COL19A1: variants seen among roughly 807,000 people sequenced by gnomAD.
The protein encoded by COL19A1 is collagen type XIX alpha 1 chain.
In COL19A1, 159 loss-of-function variants were observed where a neutral mutation model predicts 190.2. The observed-to-expected ratio is 0.84, with a 90% CI of 0.73 to 0.95. The LOEUF is 0.95. Ranked by LOEUF, COL19A1 falls within the 40% of genes least tolerant of loss-of-function variation. COL19A1 has a pLI of 0.00. For synonymous variants in COL19A1, 509 were observed against 458.9 expected, an observed-to-expected ratio of 1.11 and a Z score of -1.39; for missense variants, 1,418 against 1,431.9, an observed-to-expected ratio of 0.99 and a Z score of 0.16.
rs534211282 is a variant in COL19A1, at chr6:70,063,215, G to A, written c.1171-5208G>A. On this transcript the variant is annotated intron_variant, in intron 14 of 50. Transcript: ENST00000620364. ...ACCACACTGCACCTATTCCAAAATT[G>A]ACCACATAGTTGGAAGTAAAGCACT... Among the ~76,000 whole-genome samples the A allele has an allele frequency of 3.3e-5, 5 of 152,068 alleles. No individual in the cohort carries two copies. The East Asian group carries it at 9.7e-4, about 29-fold the overall frequency.
intron 11 of COL19A1, among the ~76,000 whole-genome samples, chr6:70,019,595 T>G (rs1778305959): frequency 6.6e-6 from 1 of 152,166 alleles, no homozygotes; most frequent in Admixed American, 6.6e-5. Flanking sequence ...GAATGGCTAT[T>G]GGGAAAATCA....
At chr6:70,125,655 A>C (rs1785152870) in intron 17 of COL19A1, among the ~76,000 whole-genome samples, 1 of 152,202 alleles carries the variant, frequency 6.6e-6, no homozygotes, top group East Asian at 1.9e-4. Flanking sequence ...GAGTGAGGTC[A>C]GGAAGATGGA....
At chr6:69,970,404 A>G (rs1775363172) in intron 11 of COL19A1, among the ~76,000 whole-genome samples, 1 of 152,220 alleles carries the variant, frequency 6.6e-6, no homozygotes, top group Non-Finnish European at 1.5e-5. Context: ...GAAAAAAGAA[A>G]CACAATATAT....
At chr6:70,184,107 C>T (rs1169306451) in intron 44 of COL19A1, among the ~76,000 whole-genome samples, 1 of 152,204 alleles carries the variant, frequency 6.6e-6, no homozygotes, top group Non-Finnish European at 1.5e-5. Flanking sequence ...CATGATTATA[C>T]ATTTCTTGCT....
chr6:69,913,029 C>A lies in COL19A1; in HGVS notation c.266+12691C>A, dbSNP rs577431531. ...CTTGAGCCCAGGGAGGTTGAGGCTG[C>A]AGTGAGCCCTGATCATGCCACTACA... On this transcript the variant is annotated intron_variant, in intron 4 of 50. Transcript: ENST00000620364. 1.6e-4 allele frequency among the ~76,000 whole-genome samples: 25 copies of A among 152,246 alleles called. 1 individual carries two copies. In the South Asian group the frequency reaches 2.7e-3, roughly 16 times the overall value.
intron 15 of COL19A1, chr6:70,098,658 CA>C: frequency 3.2e-6 from 1 of 309,324 alleles, no homozygotes. Context: ...CAACACTTTT[CA>C]AACGATGGCG....
chr6:70,192,344 T>C (rs1446207198), intron 48 of COL19A1, among the ~76,000 whole-genome samples: 1 of 152,214 alleles, frequency 6.6e-6, no homozygotes, highest in Non-Finnish European at 1.5e-5. Flanking sequence ...AGTATCTTTA[T>C]CTTGCTCTGA....
At chr6:70,029,911 A>G (rs1189679905) in intron 12 of COL19A1, among the ~76,000 whole-genome samples, 1 of 152,206 alleles carries the variant, frequency 6.6e-6, no homozygotes, top group African/African-American at 2.4e-5. Context: ...ACCGTATGCT[A>G]AATGTCTCTA....
intron 16 of COL19A1, among the ~76,000 whole-genome samples, chr6:70,113,823 T>C (rs990859216): frequency 6.6e-6 from 1 of 151,212 alleles, no homozygotes; most frequent in Non-Finnish European, 1.5e-5. Flanking sequence ...TCTTGACTCT[T>C]CTTGTCATCC....
Position 70,142,037 on chromosome 6 carries a change from T to C in COL19A1, c.1533T>C (p.Asp511=). ...CACGTGTTTAGGGTGAACCTGGAGA[T>C]CCCGGACCCCCTGGTTTAATAGGAA... The part of the protein sequence containing the change: ...GSQGVKGEPG[D]PGPPGLIGSP... Residue 511 remains aspartate (D), a synonymous_variant, in exon 22 of 51, where the codon GAT becomes GAC. Coordinates refer to ENST00000620364, the MANE Select transcript of COL19A1 (RefSeq NM_001858.6). 2 of 1,612,380 alleles carry C rather than the reference T, an allele frequency of 1.2e-6. No homozygotes were observed. Among genetic ancestry groups the C allele is most frequent in the South Asian group, 1.1e-5 (1 of 91,024 alleles).
At chr6:70,110,297 T>G (rs925622316) in intron 16 of COL19A1, among the ~76,000 whole-genome samples, 6 of 152,176 alleles carry the variant, frequency 3.9e-5, no homozygotes, top group African/African-American at 1.4e-4. Flanking sequence ...GGCTTAGTCA[T>G]GTTGCTCAGT....
intron 15 of COL19A1, among the ~76,000 whole-genome samples, chr6:70,101,578 A>G (rs1535392): frequency 0.11 from 16,732 of 152,222 alleles, 986 homozygotes; most frequent in Middle Eastern, 0.15. Context: ...AATGTGCTTC[A>G]TTCAGTATAT....
intron 14 of COL19A1, among the ~76,000 whole-genome samples, chr6:70,063,650 A>G (rs1425593162): frequency 6.6e-6 from 1 of 151,114 alleles, no homozygotes; most frequent in East Asian, 1.9e-4. Context: ...ACTGAAGGAG[A>G]TAGAGACACA....
At chr6:70,074,269 C>T (rs750477839) in intron 15 of COL19A1, among the ~76,000 whole-genome samples, 4 of 151,936 alleles carry the variant, frequency 2.6e-5, no homozygotes, top group Admixed American at 6.6e-5. Flanking sequence ...AAGGCCAAGA[C>T]GGGCGGATCA....
intron 16 of COL19A1, among the ~76,000 whole-genome samples, chr6:70,105,006 GTGTT>G (rs945194213): frequency 6.6e-6 from 1 of 152,160 alleles, no homozygotes; most frequent in Non-Finnish European, 1.5e-5. Flanking sequence ...TGTTGCCAGA[GTGTT>G]TGGGGGAGAG....
At chr6:70,140,123 G>A (rs1786145675) in intron 19 of COL19A1, among the ~76,000 whole-genome samples, 1 of 151,938 alleles carries the variant, frequency 6.6e-6, no homozygotes, top group Admixed American at 6.6e-5. Context: ...GTAGATATGG[G>A]TATATAGTTG....
chr6:70,146,815 G>A lies in COL19A1; in HGVS notation c.1819G>A (p.Glu607Lys), dbSNP rs770842000. The A allele has an allele frequency of 1.3e-6, 2 of 1,597,240 alleles. No individual in the cohort carries two copies. Among genetic ancestry groups the A allele is most frequent in the Non-Finnish European group, 1.7e-6 (2 of 1,173,284 alleles). Residue 607 changes from glutamate to lysine, a missense_variant, in exon 27 of 51, where the codon GAA (glutamate) becomes AAA (lysine). Physicochemically the swap from Glu to Lys is moderately conservative, Grantham distance 56 (BLOSUM62 1). Transcript: ENST00000620364. Reference sequence around the variant, plus strand: ...ACAGAAGCCTTTCATTTCACAGGGTGAAAGAGGACTTCCAGGTGTTCACGG... The same window carrying A: ...ACAGAAGCCTTTCATTTCACAGGGTAAAAGAGGACTTCCAGGTGTTCACGG... Reference protein sequence around the residue: ...GAPGPRGPKGERGLPGVHGSP... With the variant: ...GAPGPRGPKGKRGLPGVHGSP...
chr6:70,000,459 G>T (rs1777194689), intron 11 of COL19A1, among the ~76,000 whole-genome samples: 1 of 152,162 alleles, frequency 6.6e-6, no homozygotes, highest in Admixed American at 6.5e-5. Flanking sequence ...CTTCCACAAT[G>T]GTTGAACTAA....
chr6:70,097,000 C>A (rs541674961), intron 15 of COL19A1, among the ~76,000 whole-genome samples: 2 of 152,252 alleles, frequency 1.3e-5, no homozygotes, highest in East Asian at 3.9e-4. Flanking sequence ...GGTTTGGGGT[C>A]TGCATATCAT....
Sources: gnomAD v4.1 joint callset for allele counts (sites outside exome capture counted in the v4.1 genomes callset) on GRCh38, gnomAD v4.1.1 for gene constraint, MANE v1.5 for transcripts, NCBI Gene and HGNC (gene_info 2026-07-23, HGNC 2026-07-21) for gene names.